Variants in DMD observed in about 807,000 individuals in gnomAD.
The protein encoded by DMD is mutant dystrophin.
DMD carries 63 observed loss-of-function variants against 330.1 expected under a neutral mutation model. The observed-to-expected ratio is 0.19, with a 90% CI of 0.16 to 0.24. The LOEUF (loss-of-function observed/expected upper bound fraction) is 0.24, where lower values mean the gene tolerates loss of function less well. Among genes scored for constraint, DMD ranks in the 10% least tolerant of loss-of-function variants. The probability of loss-of-function intolerance (pLI) is 1.00; values close to 1 mark genes in which losing one functional copy is unlikely to be tolerated. For synonymous variants in DMD, 1,223 were observed against 959.8 expected, an observed-to-expected ratio of 1.27 and a Z score of -5.07; for missense variants, 3,344 against 2,684.1, an observed-to-expected ratio of 1.25 and a Z score of -5.43.
chrX:32,727,996 T>C (rs895183245), intron 7 of DMD, among the ~76,000 whole-genome samples: 1 of 111,750 alleles, frequency 8.9e-6, no homozygotes, highest in Non-Finnish European at 1.9e-5. Context: ...GTAAATTACA[T>C]GCATTTTATA....
chrX:31,824,925 T>C (rs1268939403), intron 49 of DMD, among the ~76,000 whole-genome samples: 1 of 111,708 alleles, frequency 9.0e-6, no homozygotes, highest in Non-Finnish European at 1.9e-5. Flanking sequence ...GAATGCATGA[T>C]GTAAATATTT....
intron 44 of DMD, among the ~76,000 whole-genome samples, chrX:32,197,818 C>T (rs186491240): frequency 8.7e-4 from 97 of 111,292 alleles, no homozygotes; most frequent in Non-Finnish European, 1.6e-3. Flanking sequence ...TGCATTACCT[C>T]ACATACTATT....
chrX:32,726,952 A>T (rs1274036252), intron 7 of DMD, among the ~76,000 whole-genome samples: 3 of 110,655 alleles, frequency 2.7e-5, no homozygotes, highest in Non-Finnish European at 5.7e-5. Context: ...GAGCCCAATA[A>T]TAAAGGCTGT....
chrX:32,881,499 G>T (rs2083939253), intron 2 of DMD, among the ~76,000 whole-genome samples: 1 of 111,841 alleles, frequency 8.9e-6, no homozygotes, highest in South Asian at 3.7e-4. Flanking sequence ...TCAAAAATAA[G>T]TTAAATATGA....
At chrX:31,324,294 T>C (rs2056620877) in intron 61 of DMD, among the ~76,000 whole-genome samples, 1 of 111,075 alleles carries the variant, frequency 9.0e-6, no homozygotes, top group Non-Finnish European at 1.9e-5. Context: ...ACTTTTGTTA[T>C]GAGTGATGAA....
chrX:32,729,957 T>C (rs191366817), intron 7 of DMD, among the ~76,000 whole-genome samples: 2 of 111,815 alleles, frequency 1.8e-5, no homozygotes, highest in East Asian at 5.6e-4. Flanking sequence ...GGAGGTATAC[T>C]TAAGAGTTGG....
Position 31,387,001 on chromosome X carries a change from C to G in DMD, c.9085-38367G>C, listed in dbSNP as rs761304021. Among the ~76,000 whole-genome samples, 8 of 111,650 alleles carry G rather than the reference C, an allele frequency of 7.2e-5. No homozygotes were observed. In the East Asian group the frequency reaches 2.2e-3, roughly 31 times the overall value. On this transcript the variant is annotated intron_variant, in intron 60 of 78. Transcript: ENST00000357033. ...ATGTTTGGGCCAACAGGTTATGAAGCCAAACACAGTGATTAGGACTAGTGG... is the reference window on the plus strand; with the variant it reads ...ATGTTTGGGCCAACAGGTTATGAAGGCAAACACAGTGATTAGGACTAGTGG...
intron 47 of DMD, among the ~76,000 whole-genome samples, chrX:31,882,701 AG>A: frequency 8.9e-6 from 1 of 112,302 alleles, no homozygotes; most frequent in East Asian, 2.8e-4. Context: ...AATGGGCAAA[AG>A]ATTTGCATAA....
At chrX:32,211,782 A>G (rs2097094653) in intron 44 of DMD, among the ~76,000 whole-genome samples, 1 of 111,927 alleles carries the variant, frequency 8.9e-6, no homozygotes, top group Non-Finnish European at 1.9e-5. Context: ...CATTTTTAAT[A>G]TGGTTCATTC....
intron 59 of DMD, among the ~76,000 whole-genome samples, chrX:31,469,273 T>C (rs1159283061): frequency 8.9e-6 from 1 of 112,038 alleles, no homozygotes; most frequent in East Asian, 2.8e-4. Flanking sequence ...TGATGGTCTT[T>C]ACAATTTGTT....
At chrX:32,894,849 G>T (rs1273225813) in intron 2 of DMD, among the ~76,000 whole-genome samples, 1 of 112,367 alleles carries the variant, frequency 8.9e-6, no homozygotes, top group Admixed American at 9.4e-5. Flanking sequence ...TTTTTACAGA[G>T]TCAGATGTCA....
chrX:33,102,706 T>A (rs1488045031), intron 1 of DMD, among the ~76,000 whole-genome samples: 2 of 111,838 alleles, frequency 1.8e-5, no homozygotes, highest in Non-Finnish European at 3.8e-5. Flanking sequence ...CCATTCAGTC[T>A]TATAAGAGCT....
chrX:32,038,490 C>A (rs1281668383), intron 44 of DMD, among the ~76,000 whole-genome samples: 1 of 111,264 alleles, frequency 9.0e-6, no homozygotes, highest in African/African-American at 3.3e-5. Flanking sequence ...CACAGTATAG[C>A]TGGGGTGAAG....
At chrX:32,652,941 G>C (rs1262846164) in intron 9 of DMD, among the ~76,000 whole-genome samples, 1 of 111,892 alleles carries the variant, frequency 8.9e-6, no homozygotes, top group East Asian at 2.8e-4. Flanking sequence ...TCATGTGTCT[G>C]TTGGCTGCAT....
chrX:32,177,706 G>T (rs1481397285), intron 44 of DMD, among the ~76,000 whole-genome samples: 4 of 110,952 alleles, frequency 3.6e-5, no homozygotes, highest in Non-Finnish European at 7.5e-5. Context: ...TCCCTGCTGG[G>T]ATTATGTCTG....
At chrX:31,846,257 C>T (rs781403874) in intron 48 of DMD, among the ~76,000 whole-genome samples, 1 of 111,086 alleles carries the variant, frequency 9.0e-6, no homozygotes, top group Non-Finnish European at 1.9e-5. Flanking sequence ...TCTCGGTTTA[C>T]TTTGTAAATA....
chrX:31,381,421 T>C (rs2060172858), intron 60 of DMD, among the ~76,000 whole-genome samples: 1 of 110,982 alleles, frequency 9.0e-6, no homozygotes, highest in East Asian at 2.8e-4. Flanking sequence ...CTCAACTCAC[T>C]CTCTACAGTT....
chrX:32,148,084 C>T (rs947926655), intron 44 of DMD, among the ~76,000 whole-genome samples: 1 of 109,515 alleles, frequency 9.1e-6, no homozygotes, highest in Non-Finnish European at 1.9e-5. Flanking sequence ...TCACCGTGTT[C>T]GCCAGGATGG....
At chrX:32,952,679 T>C (rs1486055843) in intron 2 of DMD, among the ~76,000 whole-genome samples, 1 of 111,830 alleles carries the variant, frequency 8.9e-6, no homozygotes, top group East Asian at 2.8e-4. Flanking sequence ...TATAAGTGAA[T>C]TTATCTACTT....
Sources: allele counts gnomAD v4.1 joint callset (sites outside exome capture counted in the v4.1 genomes callset), GRCh38; gene constraint gnomAD v4.1.1; transcripts MANE v1.5; gene names NCBI Gene and HGNC (gene_info 2026-07-23, HGNC 2026-07-21).